ZFHX3: variants seen among roughly 807,000 people sequenced by gnomAD.
ZFHX3 encodes the protein zinc finger homeobox protein 3.
A neutral mutation model predicts 279.1 loss-of-function variants in ZFHX3; 42 were observed. The observed-to-expected ratio is 0.15, with a 90% CI of 0.12 to 0.19. The LOEUF (loss-of-function observed/expected upper bound fraction) is 0.19. Among genes scored for constraint, ZFHX3 ranks in the 10% least tolerant of loss-of-function variants. The probability of loss-of-function intolerance (pLI) is 1.00; values close to 1 mark genes in which losing one functional copy is unlikely to be tolerated. For synonymous variants in ZFHX3, 2,293 were observed against 1,957.8 expected (o/e 1.17, Z -4.52); for missense variants, 4,981 against 4,754.0 (o/e 1.05, Z -1.40).
intron 3 of ZFHX3, among the ~76,000 whole-genome samples, chr16:73,379,171 A>T (rs2016776893): frequency 6.6e-6 from 1 of 152,220 alleles, no homozygotes; most frequent in African/African-American, 2.4e-5. Context: ...GAATTTTCAG[A>T]TGTTTAACGA....
At position 72,795,569 on chromosome 16, in the gene ZFHX3, G is replaced by A. The variant is rs763437696; in HGVS notation, c.7113C>T (p.Ala2371=). 5.6e-5 allele frequency: 90 copies of A among 1,613,876 alleles called. No individual in the cohort carries two copies. Among genetic ancestry groups the A allele is most frequent in the Middle Eastern group, 4.9e-4 (3 of 6,084 alleles). The change falls in exon 9 of 10, where the codon GCC becomes GCT. Residue 2371 remains alanine, a synonymous_variant. Transcript: ENST00000268489. ...DDSQNEDSMD[A]MEILTPTSSS... The stretch of plus-strand genomic sequence containing the variant: ...AGCTGGTAGGCGTCAGGATTTCCAT[G>A]GCATCCATGGAATCCTCATTTTGGC...
rs184765407 is a variant in ZFHX3, at chr16:73,762,049, T to C, written c.-1607-81809A>G. Among the ~76,000 whole-genome samples, 237 of 151,660 alleles carry C rather than the reference T, an allele frequency of 1.6e-3. 2 individuals carry two copies. The highest frequency in any genetic ancestry group is 5.4e-3 in the African/African-American group (224 of 41,342). On this transcript the variant is annotated intron_variant, in intron 1 of 17. Coordinates refer to the ZFHX3 transcript ENST00000641206. The stretch of plus-strand genomic sequence containing the variant: ...CTATCATCAGAGCAAACAGACAACC[T>C]ACAGAATGGGAGAAAATTTTTGCAA...
chr16:73,478,564 G>C (rs553395158), intron 2 of ZFHX3, among the ~76,000 whole-genome samples: 2 of 152,224 alleles, frequency 1.3e-5, no homozygotes, highest in African/African-American at 4.8e-5. Flanking sequence ...TAAGAGTCTC[G>C]GGTTTTGTTT....
chr16:73,708,029 T>C (rs2053321711), intron 1 of ZFHX3, among the ~76,000 whole-genome samples: 1 of 145,448 alleles, frequency 6.9e-6, no homozygotes, highest in East Asian at 2.3e-4. Flanking sequence ...TAGATGTTAA[T>C]CCCTGTGGTT....
intron 1 of ZFHX3, among the ~76,000 whole-genome samples, chr16:73,017,989 CTTT>C (rs11460634): frequency 1.4e-5 from 2 of 143,774 alleles, no homozygotes; most frequent in Admixed American, 6.9e-5. Flanking sequence ...CAGTTTTTAT[CTTT>C]TTTTTTTTTT....
chr16:73,740,822 A>T (rs940724534), intron 1 of ZFHX3, among the ~76,000 whole-genome samples: 1 of 152,130 alleles, frequency 6.6e-6, no homozygotes, highest in East Asian at 1.9e-4. Flanking sequence ...GGGGCTTCTC[A>T]TTATGGAATG....
intron 3 of ZFHX3, among the ~76,000 whole-genome samples, chr16:73,354,958 T>C (rs2016311757): frequency 6.6e-6 from 1 of 152,242 alleles, no homozygotes; most frequent in South Asian, 2.1e-4. Flanking sequence ...GATTGGCCTT[T>C]GATCACCAGA....
chr16:73,140,677 G>T (rs901792230), intron 6 of ZFHX3, among the ~76,000 whole-genome samples: 1 of 152,154 alleles, frequency 6.6e-6, no homozygotes, highest in African/African-American at 2.4e-5. Flanking sequence ...CCAACATGGC[G>T]TAACCCTGTC....
intron 4 of ZFHX3, among the ~76,000 whole-genome samples, chr16:73,316,843 T>G (rs1455388446): frequency 6.6e-6 from 1 of 152,132 alleles, no homozygotes; most frequent in Non-Finnish European, 1.5e-5. Context: ...GAGAAAGAAA[T>G]TGTCATTTCT....
At chr16:73,446,802 G>A (rs2018193759) in intron 3 of ZFHX3, among the ~76,000 whole-genome samples, 1 of 152,092 alleles carries the variant, frequency 6.6e-6, no homozygotes, top group South Asian at 2.1e-4. Flanking sequence ...TAATACCCAG[G>A]TGATGAAATA....
intron 4 of ZFHX3, among the ~76,000 whole-genome samples, chr16:72,855,691 C>T (rs191150183): frequency 3.3e-4 from 50 of 152,296 alleles, no homozygotes; most frequent in Middle Eastern, 6.8e-3. Flanking sequence ...TACCCTGCAC[C>T]AGGAATATGG....
intron 1 of ZFHX3, among the ~76,000 whole-genome samples, chr16:73,716,647 AC>A (rs1567560092): frequency 0.05 from 2,263 of 45,078 alleles, 35 homozygotes; most frequent in Middle Eastern, 0.18. Flanking sequence ...ACACACACAC[AC>A]ACGCATGCAC....
At chr16:73,033,974 G>T (rs973963509) in intron 1 of ZFHX3, among the ~76,000 whole-genome samples, 6 of 152,194 alleles carry the variant, frequency 3.9e-5, no homozygotes, top group African/African-American at 9.7e-5. Flanking sequence ...GGCGCTTTCT[G>T]CTAGAAGCCA....
intron 1 of ZFHX3, among the ~76,000 whole-genome samples, chr16:73,054,689 T>C (rs993889036): frequency 6.6e-6 from 1 of 151,720 alleles, no homozygotes; most frequent in African/African-American, 2.4e-5. Context: ...AAGAACTTGG[T>C]GGGGGAGGGA....
At chr16:72,922,003 T>C (rs569717563) in intron 3 of ZFHX3, among the ~76,000 whole-genome samples, 5 of 152,248 alleles carry the variant, frequency 3.3e-5, no homozygotes, top group East Asian at 1.9e-4. Context: ...TGGAGAAACA[T>C]CTGGGGGCAC....
intron 1 of ZFHX3, among the ~76,000 whole-genome samples, chr16:73,036,174 G>C (rs1964895759): frequency 6.6e-6 from 1 of 152,184 alleles, no homozygotes; most frequent in South Asian, 2.1e-4. Flanking sequence ...TCTACAACTG[G>C]GGAGGGCTGC....
At chr16:73,652,633 G>A (rs2142167044) in intron 2 of ZFHX3, among the ~76,000 whole-genome samples, 1 of 152,222 alleles carries the variant, frequency 6.6e-6, no homozygotes, top group South Asian at 2.1e-4. Flanking sequence ...ACAAAATTAT[G>A]TATGTTTGAA....
rs554939068 is a variant in ZFHX3 at position 73,447,421 on chromosome 16, A to G, written c.-1291+8582T>C. On this transcript the variant is annotated intron_variant, in intron 3 of 17. Coordinates refer to the ZFHX3 transcript ENST00000641206. ...ATCCCAGAATGAGTAGAAAGAAGTA[A>G]AGAAAATACTTAGAATGTTCCCTGA... 9.9e-5 allele frequency among the ~76,000 whole-genome samples: 15 copies of G among 152,236 alleles called. No homozygotes were observed. In the South Asian group the frequency reaches 1.9e-3, roughly 19 times the overall value.
intron 1 of ZFHX3, among the ~76,000 whole-genome samples, chr16:73,851,028 T>C (rs1400806162): frequency 6.6e-6 from 1 of 152,206 alleles, no homozygotes; most frequent in Non-Finnish European, 1.5e-5. Context: ...AAATTTTCCT[T>C]TTATTAAAAT....
Sources: allele counts gnomAD v4.1 joint callset (sites outside exome capture counted in the v4.1 genomes callset), GRCh38; gene constraint gnomAD v4.1.1; transcripts MANE v1.5; gene names NCBI Gene and HGNC (gene_info 2026-07-23, HGNC 2026-07-21).